RIMS1: variants seen among roughly 807,000 people sequenced by gnomAD.
RIMS1 encodes the protein regulating synaptic membrane exocytosis protein 1.
Under a neutral mutation model 214.1 loss-of-function variants are expected in RIMS1, and 83 were observed. That is an observed-to-expected ratio of 0.39 (90% CI 0.32 to 0.47). The LOEUF (loss-of-function observed/expected upper bound fraction) is 0.47, where lower values mean the gene tolerates loss of function less well. RIMS1 is among the 20% of genes least tolerant of loss of function. The probability of loss-of-function intolerance (pLI) is 0.99; values close to 1 mark genes in which losing one functional copy is unlikely to be tolerated. For synonymous variants in RIMS1, 793 were observed against 786.8 expected (o/e 1.01, Z -0.13); for missense variants, 2,050 against 2,161.8 (o/e 0.95, Z 1.03).
At chr6:72,283,155 T>G (rs2090965765) in intron 23 of RIMS1, among the ~76,000 whole-genome samples, 1 of 152,108 alleles carries the variant, frequency 6.6e-6, no homozygotes, top group Non-Finnish European at 1.5e-5. Flanking sequence ...AAGCTTAATT[T>G]GTAGATAATT....
At chr6:72,309,524 A>G (rs1340930456) in intron 27 of RIMS1, among the ~76,000 whole-genome samples, 2 of 152,082 alleles carry the variant, frequency 1.3e-5, no homozygotes, top group South Asian at 4.1e-4. Context: ...ATTACTCTAG[A>G]TTGATTCAAA....
At position 72,333,610 on chromosome 6, in the gene RIMS1, C is replaced by T. The variant is rs1215254442; in HGVS notation, c.4141C>T (p.Pro1381Ser). ...ACTTTGTAAATATAGTTCATTTACC[C>T]CCAAAATGCAAGGCAGACGGATGGG... Reference protein sequence around the residue: ...RPRGRISSFTPKMQGRRMGTS... With the variant: ...RPRGRISSFTSKMQGRRMGTS... Residue 1381 changes from proline to serine, a missense_variant, in exon 29 of 34, where the codon CCC becomes TCC. Coordinates refer to ENST00000521978, the MANE Select transcript of RIMS1 (RefSeq NM_014989.7). The T allele has an allele frequency of 1.9e-6, 3 of 1,586,300 alleles. No individual in the cohort carries two copies. The highest frequency in any genetic ancestry group is 1.2e-5 in the South Asian group (1 of 86,844).
intron 2 of RIMS1, among the ~76,000 whole-genome samples, chr6:72,086,718 T>C (rs982143167): frequency 2.0e-5 from 3 of 152,144 alleles, no homozygotes; most frequent in Non-Finnish European, 2.9e-5. Context: ...TAGTGTAAGA[T>C]GTATGAGAAA....
At chr6:72,339,956 G>C (rs891521380) in intron 29 of RIMS1, among the ~76,000 whole-genome samples, 5 of 152,028 alleles carry the variant, frequency 3.3e-5, no homozygotes, top group Non-Finnish European at 5.9e-5. Flanking sequence ...GTTGTTTCCT[G>C]ACTTTTTAAT....
intron 1 of RIMS1, among the ~76,000 whole-genome samples, chr6:71,904,569 C>T (rs573643472): frequency 5.9e-4 from 90 of 152,170 alleles, no homozygotes; most frequent in Non-Finnish European, 1.1e-3. Flanking sequence ...ACCCCAGCCT[C>T]GCAATGGACA....
chr6:72,208,167 G>A (rs1448489506), intron 6 of RIMS1, among the ~76,000 whole-genome samples: 1 of 152,170 alleles, frequency 6.6e-6, no homozygotes, highest in South Asian at 2.1e-4. Context: ...AGGTAAATGA[G>A]TAATCTTATT....
intron 29 of RIMS1, among the ~76,000 whole-genome samples, chr6:72,354,346 T>G (rs1488283384): frequency 6.6e-6 from 1 of 152,334 alleles, no homozygotes; most frequent in East Asian, 1.9e-4. Flanking sequence ...AAGCTAGAAC[T>G]CTATTTTATT....
intron 19 of RIMS1, among the ~76,000 whole-genome samples, chr6:72,264,182 T>A (rs2079358402): frequency 6.6e-6 from 1 of 152,118 alleles, no homozygotes; most frequent in African/African-American, 2.4e-5. Flanking sequence ...AGATAGATGA[T>A]GGATTTTCAT....
intron 19 of RIMS1, chr6:72,261,849 A>C: frequency 1.0e-6 from 1 of 985,290 alleles, no homozygotes; most frequent in Non-Finnish European, 1.2e-6. Flanking sequence ...GAAAAAATCG[A>C]GGAAATATTA....
At position 72,400,788 on chromosome 6, in the gene RIMS1, C is replaced by A. The variant is rs1450216757; in HGVS notation, c.*74C>A. 2.0e-5 allele frequency: 25 copies of A among 1,223,232 alleles called. No homozygotes were observed. Among genetic ancestry groups the A allele is most frequent in the South Asian group, 2.9e-5 (2 of 68,878 alleles). 75.8% of individuals were successfully genotyped at this position (1,223,232 alleles called of 1,614,324 possible). A position where few individuals can be genotyped will look rare whatever the true frequency, so the allele number is the denominator to read the frequency against. ...TAATCTGAACCAGATATTTCATGAT[C>A]GAAAGCATTGTTGGAGACAGACAAT... On this transcript the variant is annotated 3_prime_UTR_variant, in exon 34 of 34. Transcript: ENST00000521978.
intron 29 of RIMS1, among the ~76,000 whole-genome samples, chr6:72,342,551 T>G (rs2097128622): frequency 6.6e-6 from 1 of 151,810 alleles, no homozygotes; most frequent in African/African-American, 2.4e-5. Flanking sequence ...TCCTTTTTTC[T>G]TTGATTCTAC....
intron 2 of RIMS1, among the ~76,000 whole-genome samples, chr6:72,063,617 T>A (rs1237394601): frequency 6.6e-6 from 1 of 152,138 alleles, no homozygotes. Flanking sequence ...CCGTGTGGAA[T>A]AGATCAGAGG....
intron 6 of RIMS1, among the ~76,000 whole-genome samples, chr6:72,219,301 C>G (rs1021468181): frequency 6.6e-6 from 1 of 152,022 alleles, no homozygotes; most frequent in Non-Finnish European, 1.5e-5. Flanking sequence ...TATCATCATG[C>G]CTGTAAGTTG....
At chr6:72,110,976 A>G (rs375609577) in intron 4 of RIMS1, among the ~76,000 whole-genome samples, 2 of 152,246 alleles carry the variant, frequency 1.3e-5, no homozygotes, top group African/African-American at 4.8e-5. Context: ...AGTGTCTAAA[A>G]TAAATTAAGA....
chr6:72,223,912 C>T (rs1324639713), intron 6 of RIMS1, among the ~76,000 whole-genome samples: 1 of 140,754 alleles, frequency 7.1e-6, no homozygotes, highest in Non-Finnish European at 1.5e-5. Context: ...CGCGCCACTG[C>T]ACTCCAGCCT....
intron 4 of RIMS1, chr6:72,156,125 T>G: frequency 3.3e-6 from 1 of 306,294 alleles, no homozygotes; most frequent in Middle Eastern, 4.3e-4. Context: ...TGGATATACA[T>G]CAAGAGCAAA....
chr6:72,232,324 A>G (rs1001002736), intron 6 of RIMS1, among the ~76,000 whole-genome samples: 3 of 151,674 alleles, frequency 2.0e-5, no homozygotes, highest in African/African-American at 7.2e-5. Context: ...TTTTATTAAT[A>G]TAGTTTTTCT....
chr6:72,378,267 A>G (rs998255432), intron 29 of RIMS1, among the ~76,000 whole-genome samples: 9 of 152,226 alleles, frequency 5.9e-5, no homozygotes, highest in African/African-American at 2.2e-4. Context: ...TGGGTCTCCC[A>G]ACAGGAATTT....
At chr6:71,887,712 C>A (rs1768231498) in intron 1 of RIMS1, among the ~76,000 whole-genome samples, 1 of 152,124 alleles carries the variant, frequency 6.6e-6, no homozygotes, top group East Asian at 1.9e-4. Flanking sequence ...AGTAATCATT[C>A]ATCTCACAGA....
Sources: allele counts gnomAD v4.1 joint callset (sites outside exome capture counted in the v4.1 genomes callset), GRCh38; gene constraint gnomAD v4.1.1; transcripts MANE v1.5; gene names NCBI Gene and HGNC (gene_info 2026-07-23, HGNC 2026-07-21).